Variants in SH3PXD2A observed in about 807,000 individuals in gnomAD.
SH3PXD2A encodes SH3 and PX domains 2A.
A neutral mutation model predicts 115.2 loss-of-function variants in SH3PXD2A; 32 were observed. The ratio of observed to expected loss-of-function variants is 0.28; its 90% confidence interval spans 0.21 to 0.37. The LOEUF (loss-of-function observed/expected upper bound fraction) is 0.37, where lower values mean the gene tolerates loss of function less well. Ranked by LOEUF, SH3PXD2A falls within the 10% of genes least tolerant of loss-of-function variation. SH3PXD2A has a pLI of 1.00. For synonymous variants in SH3PXD2A, 610 were observed against 629.1 expected, an observed-to-expected ratio of 0.97 and a Z score of 0.45; for missense variants, 1,328 against 1,498.7, an observed-to-expected ratio of 0.89 and a Z score of 1.88.
rs200059409 is a variant in SH3PXD2A, at chr10:103,724,286, C to T, written c.382G>A (p.Val128Ile). ...FRFFEARPED[V>I]NPPKEDYGSS... ...ATTACTTACTCTTTTGGAGGGTTGA[C>T]ATCCTCGGGTCGAGCCTCGAAGAAC... is the stretch of plus-strand genomic sequence containing the variant. The change falls in exon 5 of 15, where the codon GTC becomes ATC. Residue 128 changes from valine to isoleucine, a missense_variant. Physicochemically the swap from Val to Ile is conservative, Grantham distance 29 (BLOSUM62 3). Coordinates refer to ENST00000369774, the MANE Select transcript of SH3PXD2A (RefSeq NM_001394015.1). 1 of 1,573,242 alleles carries T rather than the reference C, an allele frequency of 6.4e-7. No individual in the cohort carries two copies. The highest frequency in any genetic ancestry group is 1.2e-5 in the South Asian group (1 of 85,306).
chr10:103,640,565 G>C (rs1366851730), intron 8 of SH3PXD2A, among the ~76,000 whole-genome samples: 1 of 152,158 alleles, frequency 6.6e-6, no homozygotes, highest in African/African-American at 2.4e-5. Flanking sequence ...ATTTGACAAA[G>C]AGCCCTCCAG....
At position 103,595,529 on chromosome 10, in the gene SH3PXD2A, C is replaced by T. The variant is rs532035140; in HGVS notation, c.*6287G>A. 2.6e-5 allele frequency: 4 copies of T among 152,362 alleles called. No individual in the cohort carries two copies. Among genetic ancestry groups the T allele is most frequent in the East Asian group, 1.9e-4 (1 of 5,182 alleles). 9.4% of individuals were successfully genotyped at this position (152,362 alleles called of 1,614,324 possible). A position where few individuals can be genotyped will look rare whatever the true frequency, so the allele number is the denominator to read the frequency against. ...GCCTCTCACTTGCCTCTAACGTGCT[C>T]GAGCCATCCTTTTGTTCTAAATAAT... On this transcript the variant is annotated 3_prime_UTR_variant, in exon 15 of 15. Coordinates refer to ENST00000369774, the MANE Select transcript of SH3PXD2A (RefSeq NM_001394015.1).
chr10:103,801,218 G>A (rs996559214), intron 2 of SH3PXD2A, 64 bp downstream of exon 2: 61 of 959,454 alleles, frequency 6.4e-5, no homozygotes, highest in Middle Eastern at 2.9e-4. Context: ...GGATAAGCGA[G>A]GGTATGAGAG....
intron 1 of SH3PXD2A, among the ~76,000 whole-genome samples, chr10:103,816,201 A>G (rs956402747): frequency 3.3e-5 from 5 of 152,220 alleles, no homozygotes; most frequent in Admixed American, 2.6e-4. Flanking sequence ...GGATGTGGTC[A>G]CTTGCTTGAC....
In SH3PXD2A at chr10:103,602,676, A is replaced by G. The variant is rs2036236597; in HGVS notation, c.2542T>C (p.Cys848Arg). The stretch of plus-strand genomic sequence containing the variant: ...TCCTGGACCTTCTGGTAGGCGCTGC[A>G]TGTCATGTACGAGGTGGCTGGCCCT... The part of the protein sequence containing the change: ...WEGPATSYMT[C>R]SAYQKVQDSE... The change falls in exon 15 of 15, where the codon TGC becomes CGC. Residue 848 changes from cysteine to arginine, a missense_variant. Cys to Arg is a radical substitution (Grantham distance 180). Around this residue, in one of 5 missense-constraint regions of SH3PXD2A, gnomAD observed 574 missense variants for 565.7 expected, o/e 1.01. Coordinates refer to ENST00000369774, the MANE Select transcript of SH3PXD2A (RefSeq NM_001394015.1). The G allele has an allele frequency of 1.9e-6, 3 of 1,613,894 alleles. No homozygotes were observed. The highest frequency in any genetic ancestry group is 2.5e-6 in the Non-Finnish European group (3 of 1,180,014).
intron 8 of SH3PXD2A, among the ~76,000 whole-genome samples, chr10:103,628,547 G>A (rs1564848207): frequency 6.6e-6 from 1 of 152,050 alleles, no homozygotes; most frequent in Non-Finnish European, 1.5e-5. Flanking sequence ...CAAGCACCAT[G>A]ATCCAGGGCC....
In SH3PXD2A at chr10:103,746,726, C is replaced by T. The variant is rs2038507906; in HGVS notation, c.230-10918G>A. 6.6e-6 allele frequency: 1 copy of T among 152,386 alleles called. No homozygotes were observed. Among genetic ancestry groups the T allele is most frequent in the East Asian group, 1.9e-4 (1 of 5,202 alleles). 9.4% of individuals were successfully genotyped at this position (152,386 alleles called of 1,614,324 possible). On this transcript the variant is annotated intron_variant, in intron 3 of 14. Coordinates refer to ENST00000369774, the MANE Select transcript of SH3PXD2A (RefSeq NM_001394015.1). This position sits in a 1 kb window ranked among gnomAD's most constrained non-coding sequence, Gnocchi z 4.4. ...CGGGCAGGATTCAGCTCCTGCCTCT[C>T]TCTCCGCCCGCCCATCTCCTGTCAC...
At chr10:103,635,542 C>G (rs1278461576) in intron 8 of SH3PXD2A, among the ~76,000 whole-genome samples, 1 of 152,232 alleles carries the variant, frequency 6.6e-6, no homozygotes, top group Non-Finnish European at 1.5e-5. Context: ...CTACCATGCT[C>G]ATTCCCTTGA....
At chr10:103,630,498 C>CT (rs2036762367) in intron 8 of SH3PXD2A, among the ~76,000 whole-genome samples, 1 of 152,160 alleles carries the variant, frequency 6.6e-6, no homozygotes, top group Non-Finnish European at 1.5e-5. Flanking sequence ...CACTCAGGGG[C>CT]TTTTTTAGGA....
At position 103,767,803 on chromosome 10, in the gene SH3PXD2A, C is replaced by CTGTTTTGTTT. The variant is rs1415278747; in HGVS notation, c.154-644_154-635dup. ...AGTTTCCAGGGTTCTGGAGGAACAA[C>CTGTTTTGTTT]TGTTTTGTTTTTTTTTTTTTTTTTT... On this transcript the variant is annotated intron_variant, in intron 2 of 14. Transcript: ENST00000369774. 5.4e-5 allele frequency among the ~76,000 whole-genome samples: 6 copies of CTGTTTTGTTT among 111,340 alleles called. No homozygotes were observed. In the East Asian group the frequency reaches 1.1e-3, roughly 20 times the overall value. The allele number at this position is 111,340 out of a possible 152,430, so 73.0% of individuals were successfully genotyped here. A position where few individuals can be genotyped will look rare whatever the true frequency, so the allele number is the denominator to read the frequency against.
chr10:103,634,394 C>T (rs751677306), intron 8 of SH3PXD2A, among the ~76,000 whole-genome samples: 1 of 152,228 alleles, frequency 6.6e-6, no homozygotes, highest in Non-Finnish European at 1.5e-5. Flanking sequence ...CTGTGTTAGG[C>T]ACTTGCTCCA....
At chr10:103,778,616 C>T (rs928376956) in intron 2 of SH3PXD2A, among the ~76,000 whole-genome samples, 25 of 152,242 alleles carry the variant, frequency 1.6e-4, no homozygotes, top group Non-Finnish European at 1.0e-4. Context: ...AATGAGAATA[C>T]AGGTGAGCAG....
intron 6 of SH3PXD2A, among the ~76,000 whole-genome samples, chr10:103,675,406 C>T (rs1455991644): frequency 6.6e-6 from 1 of 152,126 alleles, no homozygotes; most frequent in East Asian, 1.9e-4. Flanking sequence ...TCTAGTAGAG[C>T]TGAATTTCTG....
In SH3PXD2A at chr10:103,606,011, G is replaced by A. The variant is rs1053598218; in HGVS notation, c.1309-94C>T. 44 of 1,356,842 alleles carry A rather than the reference G, an allele frequency of 3.2e-5. No homozygotes were observed. In the African/African-American group the frequency reaches 3.6e-4, roughly 11 times the overall value. 84.1% of individuals were successfully genotyped at this position (1,356,842 alleles called of 1,614,324 possible). A position where few individuals can be genotyped will look rare whatever the true frequency, so the allele number is the denominator to read the frequency against. ...TCCCCACTCAGTCCCCAGGGGGTGC[G>A]GATGGCCGTTTACACCAGCTGGACA... On this transcript the variant is annotated intron_variant, in intron 13 of 14. Coordinates refer to ENST00000369774, the MANE Select transcript of SH3PXD2A (RefSeq NM_001394015.1).
At chr10:103,663,965 C>G (rs2037349475) in intron 7 of SH3PXD2A, among the ~76,000 whole-genome samples, 1 of 152,236 alleles carries the variant, frequency 6.6e-6, no homozygotes, top group South Asian at 2.1e-4. Flanking sequence ...ATGCAACCAA[C>G]AGCCGGGCAG....
intron 1 of SH3PXD2A, among the ~76,000 whole-genome samples, chr10:103,854,960 A>C (rs1335527651): frequency 6.6e-6 from 1 of 152,206 alleles, no homozygotes; most frequent in African/African-American, 2.4e-5. Flanking sequence ...AGACAAGGGC[A>C]GCCACTTGCC....
intron 13 of SH3PXD2A, among the ~76,000 whole-genome samples, chr10:103,606,461 C>G (rs1419682237): frequency 1.2e-5 from 1 of 84,120 alleles, no homozygotes; most frequent in African/African-American, 5.1e-5. Flanking sequence ...AAAAAAAAAG[C>G]TCTCCCCCTC....
chr10:103,634,703 T>G (rs1161590068), intron 8 of SH3PXD2A, among the ~76,000 whole-genome samples: 1 of 152,196 alleles, frequency 6.6e-6, no homozygotes, highest in Admixed American at 6.5e-5. Context: ...CCAGCCTGCA[T>G]GTACCTGGGT....
intron 5 of SH3PXD2A, among the ~76,000 whole-genome samples, chr10:103,723,900 A>G (rs1232107008): frequency 6.6e-6 from 1 of 152,220 alleles, no homozygotes; most frequent in African/African-American, 2.4e-5. Context: ...CTCTGCAGCC[A>G]TAACAGCGAA....
Sources: gnomAD v4.1 joint callset for allele counts (sites outside exome capture counted in the v4.1 genomes callset) on GRCh38, gnomAD v4.1.1 for gene constraint, gnomAD v4.1.1 regional missense constraint, Gnocchi (gnomAD v3.1) non-coding constraint, MANE v1.5 for transcripts, NCBI Gene and HGNC (gene_info 2026-07-23, HGNC 2026-07-21) for gene names.